The following AMZ2 variants were observed in gnomAD, a reference collection of about 807,000 sequenced individuals.
The protein encoded by AMZ2 is archaelysin family metallopeptidase 2.
In AMZ2, 26 loss-of-function variants were observed where a neutral mutation model predicts 36.7. The observed-to-expected ratio is 0.71, with a 90% CI of 0.52 to 0.98. AMZ2 has a LOEUF of 0.98. AMZ2 is among the 50% of genes least tolerant of loss of function. AMZ2 has a pLI of 0.00. For synonymous variants in AMZ2, 144 were observed against 149.1 expected, an observed-to-expected ratio of 0.97 and a Z score of 0.25; for missense variants, 394 against 430.5, an observed-to-expected ratio of 0.92 and a Z score of 0.75.
intron 1 of AMZ2, among the ~76,000 whole-genome samples, chr17:68,208,623 C>A (rs1171898899): frequency 2.0e-5 from 3 of 152,186 alleles, no homozygotes; most frequent in African/African-American, 7.2e-5. Context: ...CATTCAGGTC[C>A]CATTCCACAT....
chr17:68,220,689 C>T (rs1407517772), intron 1 of AMZ2, among the ~76,000 whole-genome samples: 1 of 151,880 alleles, frequency 6.6e-6, no homozygotes, highest in Non-Finnish European at 1.5e-5. Flanking sequence ...AGATACCATT[C>T]GAGGGGACTA....
chr17:68,250,954 A>G lies in AMZ2; in HGVS notation c.444A>G (p.Leu148=), dbSNP rs148481031. Residue 148 remains leucine, a synonymous_variant, in exon 3 of 7, where the codon CTA becomes CTG. Coordinates refer to ENST00000359904, the MANE Select transcript of AMZ2 (RefSeq NM_016627.5). The part of the protein sequence containing the change: ...SFRVNENTHN[L]QIHAGDILKF... The stretch of plus-strand genomic sequence containing the variant: ...GAGTCAATGAGAACACACACAACCT[A>G]CAAATTCATGCAGGTGAATTACACG... 2.4e-5 allele frequency: 38 copies of G among 1,612,382 alleles called. No homozygotes were observed. Among genetic ancestry groups the G allele is most frequent in the Middle Eastern group, 1.6e-4 (1 of 6,080 alleles).
intron 4 of AMZ2, among the ~76,000 whole-genome samples, chr17:68,253,391 G>C (rs1317932923): frequency 6.6e-6 from 1 of 152,188 alleles, no homozygotes; most frequent in Non-Finnish European, 1.5e-5. Context: ...TAAACAAGTC[G>C]AATTATGAAG....
rs2074170266 is a variant in AMZ2 at position 68,248,361 on chromosome 17, G to C, written c.-345G>C. The C allele has an allele frequency of 6.1e-6, 6 of 985,958 alleles. No individual in the cohort carries two copies. The Admixed American group carries it at 2.5e-4, about 40-fold the overall frequency. 61.1% of individuals were successfully genotyped at this position (985,958 alleles called of 1,614,324 possible). Reference sequence around the variant, plus strand: ...AACCCCCACTCCACTCCCAGCTGGAGACTGGGTTGTGTCTGCATGGACCAG... The same window carrying C: ...AACCCCCACTCCACTCCCAGCTGGACACTGGGTTGTGTCTGCATGGACCAG... On this transcript the variant is annotated 5_prime_UTR_variant, in exon 1 of 7. Transcript: ENST00000359904.
chr17:68,250,505 T>A, intron 2 of AMZ2, 35 bp downstream of exon 2: 1 of 1,601,714 alleles, frequency 6.2e-7, no homozygotes, highest in Non-Finnish European at 8.5e-7. Flanking sequence ...TTGGTTCAGT[T>A]TTGCAGTGGC....
At chr17:68,222,279 A>C (rs1225826221) in intron 1 of AMZ2, among the ~76,000 whole-genome samples, 1 of 152,200 alleles carries the variant, frequency 6.6e-6, no homozygotes, top group Non-Finnish European at 1.5e-5. Flanking sequence ...ATCTAACTGC[A>C]GCTGGATCTA....
chr17:68,250,414 A>T lies in AMZ2; in HGVS notation c.227A>T (p.Asp76Val). 2 of 1,614,198 alleles carry T rather than the reference A, an allele frequency of 1.2e-6. No individual in the cohort carries two copies. The highest frequency in any genetic ancestry group is 1.7e-6 in the Non-Finnish European group (2 of 1,180,038). Residue 76 changes from aspartate to valine, a missense_variant, in exon 2 of 7, where the codon GAT becomes GTT. By Grantham distance (152) the Asp-to-Val change is radical. Coordinates refer to ENST00000359904, the MANE Select transcript of AMZ2 (RefSeq NM_016627.5). ...CAAGACTTTGAACAGTTCTTCAGTG[A>T]TCCTTACAGAAAGACACCCTCTCCA... ...APQDFEQFFS[D>V]PYRKTPSPNK...
At chr17:68,232,206 G>T (rs2073682566) in intron 1 of AMZ2, among the ~76,000 whole-genome samples, 1 of 151,322 alleles carries the variant, frequency 6.6e-6, no homozygotes, top group Non-Finnish European at 1.5e-5. Flanking sequence ...CAATCAGAAA[G>T]GGGGTTAGGG....
intron 1 of AMZ2, among the ~76,000 whole-genome samples, chr17:68,224,652 G>A (rs2073464873): frequency 6.6e-6 from 1 of 150,858 alleles, no homozygotes; most frequent in Non-Finnish European, 1.5e-5. Flanking sequence ...TAATCTTCCA[G>A]TCTCAGCCTC....
At chr17:68,219,312 T>C (rs1455428682) in intron 1 of AMZ2, among the ~76,000 whole-genome samples, 1 of 152,296 alleles carries the variant, frequency 6.6e-6, no homozygotes, top group East Asian at 1.9e-4. Flanking sequence ...TCCTCCACTC[T>C]AGCTAAACTA....
At chr17:68,236,566 CTTTTTTTTTTTT>C (rs782220711) in intron 1 of AMZ2, among the ~76,000 whole-genome samples, 1 of 102,972 alleles carries the variant, frequency 9.7e-6, no homozygotes, top group Non-Finnish European at 1.9e-5. Context: ...GGCAAACATC[CTTTTTTTTTTTT>C]TTTTTTTTTT....
chr17:68,234,130 G>A (rs1285552561), intron 1 of AMZ2, among the ~76,000 whole-genome samples: 13 of 151,822 alleles, frequency 8.6e-5, no homozygotes, highest in African/African-American at 2.7e-4. Context: ...TCAGGAGTTC[G>A]AGACCAGCCT....
chr17:68,208,447 T>G (rs1159148803), intron 1 of AMZ2, among the ~76,000 whole-genome samples: 1 of 152,106 alleles, frequency 6.6e-6, no homozygotes, highest in Non-Finnish European at 1.5e-5. Flanking sequence ...GCTAATCTAG[T>G]GGGGAGGTGG....
intron 1 of AMZ2, chr17:68,207,073 G>A (rs1373740770): frequency 3.9e-5 from 6 of 152,222 alleles, no homozygotes; most frequent in Non-Finnish European, 7.3e-5. Flanking sequence ...CGTGTCACCT[G>A]TTGCAGAAGA....
chr17:68,233,930 C>T (rs566758602), intron 1 of AMZ2, among the ~76,000 whole-genome samples: 1 of 152,190 alleles, frequency 6.6e-6, no homozygotes, highest in South Asian at 2.1e-4. Context: ...CCAGGTGACA[C>T]TCAATGTCAA....
chr17:68,227,057 T>C (rs2073533646), intron 1 of AMZ2, among the ~76,000 whole-genome samples: 1 of 151,522 alleles, frequency 6.6e-6, no homozygotes. Context: ...AGGGAGGCCC[T>C]AATTCCTTTA....
intron 1 of AMZ2, chr17:68,206,294 C>T (rs546409954): frequency 1.6e-6 from 2 of 1,252,348 alleles, no homozygotes; most frequent in Non-Finnish European, 2.0e-6. Flanking sequence ...TGCCCTCCCC[C>T]CTTGCTCACT....
intron 1 of AMZ2, among the ~76,000 whole-genome samples, chr17:68,222,092 G>A (rs552093959): frequency 1.1e-4 from 16 of 152,352 alleles, no homozygotes; most frequent in South Asian, 2.1e-4. Flanking sequence ...AAAACTGGAC[G>A]GAGCACTTGG....
chr17:68,231,221 G>A (rs1474913312), intron 1 of AMZ2, among the ~76,000 whole-genome samples: 8 of 151,820 alleles, frequency 5.3e-5, no homozygotes, highest in African/African-American at 4.8e-5. Context: ...GTGCCACCAC[G>A]CTCGGCTAAT....
Sources: gnomAD v4.1 joint callset for allele counts (sites outside exome capture counted in the v4.1 genomes callset) on GRCh38, gnomAD v4.1.1 for gene constraint, MANE v1.5 for transcripts, NCBI Gene and HGNC (gene_info 2026-07-23, HGNC 2026-07-21) for gene names.